Variants in MECOM observed in about 807,000 individuals in gnomAD.
MECOM encodes histone-lysine N-methyltransferase MECOM.
In MECOM, 13 loss-of-function variants were observed where a neutral mutation model predicts 116.3. The observed-to-expected ratio is 0.11, with a 90% CI of 0.07 to 0.18. MECOM has a LOEUF of 0.18. MECOM is among the 10% of genes least tolerant of loss of function. The pLI is 1.00. For missense variants in MECOM, 1,299 were observed against 1,509.0 expected (o/e 0.86, Z 2.31); for synonymous variants, 528 against 535.2 (o/e 0.99, Z 0.19).
In MECOM at chr3:169,526,412, G is replaced by A. The variant is rs114447793; in HGVS notation, c.37+136924C>T. Among the ~76,000 whole-genome samples the A allele has an allele frequency of 8.1e-3, 1,240 of 152,242 alleles. 8 individuals are homozygous for A. Among genetic ancestry groups the A allele is most frequent in the Non-Finnish European group, 0.014 (937 of 68,006 alleles). On this transcript the variant is annotated intron_variant, in intron 1 of 16. Coordinates refer to ENST00000651503, the MANE Select transcript of MECOM (RefSeq NM_004991.4). ...GAGGCCTACTGACACTTAGGAAAAC[G>A]TTTTGACACATTCAAGTGTGAGCAA...
At chr3:169,234,263 C>T (rs534705579) in intron 2 of MECOM, among the ~76,000 whole-genome samples, 25 of 151,912 alleles carry the variant, frequency 1.6e-4, no homozygotes, top group South Asian at 4.2e-4. Flanking sequence ...CCACTGAGAA[C>T]GATAGCAAGG....
At chr3:169,139,395 G>C (rs868633111) in intron 3 of MECOM, among the ~76,000 whole-genome samples, 1 of 40,448 alleles carries the variant, frequency 2.5e-5, no homozygotes, top group Non-Finnish European at 5.9e-5. Flanking sequence ...GGCAGGCCAG[G>C]AGTGTGTTCC....
chr3:169,483,195 T>TA (rs1751598892), intron 1 of MECOM, among the ~76,000 whole-genome samples: 3 of 123,516 alleles, frequency 2.4e-5, no homozygotes, highest in African/African-American at 1.0e-4. Context: ...GTTTTATTTT[T>TA]ATTTTTATTT....
chr3:169,491,493 A>G (rs1753085884), intron 1 of MECOM, among the ~76,000 whole-genome samples: 1 of 152,216 alleles, frequency 6.6e-6, no homozygotes, highest in Non-Finnish European at 1.5e-5. Context: ...TATAAAACAG[A>G]AAAATAAGAA....
intron 6 of MECOM, among the ~76,000 whole-genome samples, chr3:169,122,337 T>A (rs1731303826): frequency 6.6e-6 from 1 of 152,224 alleles, no homozygotes; most frequent in South Asian, 2.1e-4. Context: ...CAAGGATGTC[T>A]GACACCTAGT....
chr3:169,660,526 C>T (rs182907178), intron 1 of MECOM, among the ~76,000 whole-genome samples: 1 of 151,742 alleles, frequency 6.6e-6, no homozygotes, highest in Admixed American at 6.6e-5. Context: ...CTTAAGACCA[C>T]CAAAGAAATT....
intron 2 of MECOM, among the ~76,000 whole-genome samples, chr3:169,325,167 A>G (rs1288586730): frequency 6.6e-6 from 1 of 152,130 alleles, no homozygotes; most frequent in Non-Finnish European, 1.5e-5. Flanking sequence ...TGCGGAGCAC[A>G]CCATTCACAG....
intron 2 of MECOM, among the ~76,000 whole-genome samples, chr3:169,234,577 A>G (rs1228360738): frequency 1.3e-5 from 2 of 152,200 alleles, no homozygotes; most frequent in Non-Finnish European, 2.9e-5. Context: ...AATCTGGTAA[A>G]CTTACTAAAG....
chr3:169,558,622 C>T (rs1257623985), intron 1 of MECOM, among the ~76,000 whole-genome samples: 1 of 152,232 alleles, frequency 6.6e-6, no homozygotes, highest in Admixed American at 6.5e-5. Context: ...ACTTAGCCAT[C>T]TGGGCCTCAG....
chr3:169,663,477 TC>T lies in MECOM; in HGVS notation c.-106del. Reference sequence around the variant, plus strand: ...TCGCTCCCTCCCTCTCTCTCCTGTCTCTCTCTCTCTCTCTCTCTCTCTCTCT... The same window carrying T: ...TCGCTCCCTCCCTCTCTCTCCTGTCTTCTCTCTCTCTCTCTCTCTCTCTCT... On this transcript the variant is annotated 5_prime_UTR_variant, in exon 1 of 17. Transcript: ENST00000651503. The T allele has an allele frequency of 1.9e-4, 3 of 15,744 alleles. No homozygotes were observed. Among genetic ancestry groups the T allele is most frequent in the South Asian group, 5.4e-4 (1 of 1,842 alleles). The allele number at this position is 15,744 out of a possible 1,614,324, so 1.0% of individuals were successfully genotyped here. A position where few individuals can be genotyped will look rare whatever the true frequency, so the allele number is the denominator to read the frequency against.
intron 2 of MECOM, among the ~76,000 whole-genome samples, chr3:169,147,921 A>G (rs938061389): frequency 2.0e-5 from 3 of 152,040 alleles, no homozygotes; most frequent in African/African-American, 4.8e-5. Flanking sequence ...TAGGGACGCT[A>G]GTTCAGACTA....
At chr3:169,572,815 C>T (rs1335163302) in intron 1 of MECOM, among the ~76,000 whole-genome samples, 2 of 152,008 alleles carry the variant, frequency 1.3e-5, no homozygotes, top group African/African-American at 4.8e-5. Flanking sequence ...ACATCACACA[C>T]CGGGGCCTGT....
In MECOM at chr3:169,413,897, A is replaced by G. The variant is rs184050433; in HGVS notation, c.38-32373T>C. On this transcript the variant is annotated intron_variant, in intron 1 of 16. Coordinates refer to ENST00000651503, the MANE Select transcript of MECOM (RefSeq NM_004991.4). ...AGGCAGCAGCCCCAGTCAGGAGCTT[A>G]TAGGTAAAACTTCCATCTTCCTGGA... Among the ~76,000 whole-genome samples the G allele has an allele frequency of 4.3e-3, 648 of 152,278 alleles. 3 individuals carry two copies. Among genetic ancestry groups the G allele is most frequent in the Non-Finnish European group, 7.0e-3 (475 of 68,024 alleles).
chr3:169,431,057 G>A (rs1006517413), intron 1 of MECOM, among the ~76,000 whole-genome samples: 2 of 152,064 alleles, frequency 1.3e-5, no homozygotes, highest in Non-Finnish European at 2.9e-5. Context: ...ATATATAAGG[G>A]GAAATGAGTC....
At chr3:169,123,509 C>G (rs1490516070) in intron 5 of MECOM, among the ~76,000 whole-genome samples, 3 of 151,846 alleles carry the variant, frequency 2.0e-5, no homozygotes, top group Admixed American at 2.0e-4. Flanking sequence ...TGTTTGCCCC[C>G]ATTTTCTAAA....
At chr3:169,304,450 A>T (rs1251058772) in intron 2 of MECOM, among the ~76,000 whole-genome samples, 1 of 152,200 alleles carries the variant, frequency 6.6e-6, no homozygotes, top group Non-Finnish European at 1.5e-5. Context: ...ATGTATAAAA[A>T]TATAAATTTA....
chr3:169,497,145 A>G (rs1012252860), intron 1 of MECOM, among the ~76,000 whole-genome samples: 1 of 152,128 alleles, frequency 6.6e-6, no homozygotes, highest in African/African-American at 2.4e-5. Flanking sequence ...CCCATGCCAC[A>G]GTTCATATTT....
chr3:169,529,503 C>T (rs1181483281), intron 1 of MECOM, among the ~76,000 whole-genome samples: 1 of 152,166 alleles, frequency 6.6e-6, no homozygotes, highest in Non-Finnish European at 1.5e-5. Flanking sequence ...GTAGCATTTA[C>T]CACCACAAGC....
chr3:169,358,269 C>T lies in MECOM; in HGVS notation c.375+22918G>A, dbSNP rs181181297. Among the ~76,000 whole-genome samples the T allele has an allele frequency of 4.4e-3, 664 of 151,814 alleles. 5 individuals carry two copies. The highest frequency in any genetic ancestry group is 6.8e-3 in the Middle Eastern group (2 of 294). ...GCTGTTTATTATTTTTACATTTCAG[C>T]GCTAACACAATGGCACTTCAGAATA... On this transcript the variant is annotated intron_variant, in intron 2 of 16. Coordinates refer to ENST00000651503, the MANE Select transcript of MECOM (RefSeq NM_004991.4).
Sources: gnomAD v4.1 joint callset for allele counts (sites outside exome capture counted in the v4.1 genomes callset) on GRCh38, gnomAD v4.1.1 for gene constraint, MANE v1.5 for transcripts, NCBI Gene and HGNC (gene_info 2026-07-23, HGNC 2026-07-21) for gene names.